Variants in ROBO2 observed in about 807,000 individuals in gnomAD.
ROBO2 encodes roundabout guidance receptor 2, also known as roundabout homolog 2.
ROBO2 carries 53 observed loss-of-function variants against 160.8 expected under a neutral mutation model. The observed-to-expected ratio is 0.33, with a 90% CI of 0.26 to 0.41. The LOEUF is 0.41. Ranked by LOEUF, ROBO2 falls within the 10% of genes least tolerant of loss-of-function variation. ROBO2 has a pLI of 1.00. For missense variants in ROBO2, 1,577 were observed against 1,722.4 expected (o/e 0.92, Z 1.49); for synonymous variants, 664 against 611.7 (o/e 1.09, Z -1.26).
chr3:76,316,449 G>C (rs549319844), intron 2 of ROBO2, among the ~76,000 whole-genome samples: 2 of 152,082 alleles, frequency 1.3e-5, no homozygotes, highest in Non-Finnish European at 2.9e-5. Flanking sequence ...AGAAAAATAT[G>C]GCTGTATTCT....
intron 2 of ROBO2, among the ~76,000 whole-genome samples, chr3:77,010,549 G>T (rs940544712): frequency 6.6e-6 from 1 of 151,990 alleles, no homozygotes; most frequent in Non-Finnish European, 1.5e-5. Context: ...CCAAATTATG[G>T]GCTCCTTCTC....
At chr3:76,279,973 G>A (rs34687010) in intron 2 of ROBO2, among the ~76,000 whole-genome samples, 49,048 of 151,592 alleles carry the variant, frequency 0.32, 8,532 homozygotes, top group Non-Finnish European at 0.4. Flanking sequence ...TACTGCTTTC[G>A]GTACTAAACT....
chr3:76,193,310 A>G (rs1317054373), intron 2 of ROBO2, among the ~76,000 whole-genome samples: 1 of 152,130 alleles, frequency 6.6e-6, no homozygotes, highest in Non-Finnish European at 1.5e-5. Flanking sequence ...TAGCTACTAG[A>G]TAACTTTACT....
At chr3:77,212,183 G>A (rs1456623564) in intron 2 of ROBO2, among the ~76,000 whole-genome samples, 4 of 152,084 alleles carry the variant, frequency 2.6e-5, no homozygotes, top group South Asian at 2.1e-4. Context: ...CCATTTTCAC[G>A]ACATTGATTC....
intron 2 of ROBO2, among the ~76,000 whole-genome samples, chr3:77,130,384 C>A (rs2075744234): frequency 6.6e-6 from 1 of 152,098 alleles, no homozygotes; most frequent in African/African-American, 2.4e-5. Flanking sequence ...TGCTTTTTGT[C>A]TAACTTCATT....
intron 2 of ROBO2, among the ~76,000 whole-genome samples, chr3:76,673,195 AGAT>A (rs147047070): frequency 1.3e-3 from 198 of 151,142 alleles, no homozygotes; most frequent in African/African-American, 4.5e-3. Context: ...ACCCTATACA[AGAT>A]GATTACAGTC....
intron 2 of ROBO2, among the ~76,000 whole-genome samples, chr3:77,019,234 A>G (rs1046737830): frequency 1.3e-5 from 2 of 151,832 alleles, no homozygotes; most frequent in Non-Finnish European, 2.9e-5. Context: ...ACAAACAGGC[A>G]GATTCAATGC....
At chr3:76,380,799 A>G (rs984825300) in intron 2 of ROBO2, among the ~76,000 whole-genome samples, 2 of 152,136 alleles carry the variant, frequency 1.3e-5, no homozygotes, top group Non-Finnish European at 2.9e-5. Flanking sequence ...TTCACAAACT[A>G]TCTCAATATA....
intron 2 of ROBO2, among the ~76,000 whole-genome samples, chr3:76,533,583 G>A (rs956365411): frequency 4.6e-5 from 7 of 152,178 alleles, no homozygotes; most frequent in African/African-American, 1.4e-4. Flanking sequence ...CTTGTCACAC[G>A]AGTCCGTATA....
intron 2 of ROBO2, among the ~76,000 whole-genome samples, chr3:76,974,851 T>C (rs2059735902): frequency 6.6e-6 from 1 of 152,098 alleles, no homozygotes; most frequent in Admixed American, 6.5e-5. Flanking sequence ...AATCATACCA[T>C]TCAAAAAAGC....
chr3:77,257,180 G>C (rs1202480771), intron 2 of ROBO2, among the ~76,000 whole-genome samples: 2 of 152,286 alleles, frequency 1.3e-5, no homozygotes, highest in African/African-American at 4.8e-5. Flanking sequence ...ACCAGCTTCT[G>C]TCTTATTATT....
intron 2 of ROBO2, among the ~76,000 whole-genome samples, chr3:76,807,474 T>C (rs1249822130): frequency 3.3e-5 from 5 of 152,132 alleles, no homozygotes; most frequent in African/African-American, 1.2e-4. Flanking sequence ...TGTTCATTGA[T>C]AAGAACACCT....
intron 2 of ROBO2, among the ~76,000 whole-genome samples, chr3:76,245,987 A>C (rs1399968741): frequency 1.3e-5 from 2 of 152,150 alleles, no homozygotes; most frequent in Non-Finnish European, 2.9e-5. Context: ...GAAGAAGCTG[A>C]ATTTTATGAA....
intron 2 of ROBO2, among the ~76,000 whole-genome samples, chr3:76,961,267 A>C (rs919031945): frequency 1.3e-5 from 2 of 151,548 alleles, no homozygotes; most frequent in African/African-American, 4.9e-5. Context: ...AAAAAAAAAA[A>C]ACACTAGTTT....
intron 2 of ROBO2, among the ~76,000 whole-genome samples, chr3:76,756,771 G>A (rs1028764247): frequency 6.6e-6 from 1 of 151,808 alleles, no homozygotes; most frequent in Non-Finnish European, 1.5e-5. Context: ...TTTTGATTAC[G>A]AGCAAATCTG....
At chr3:76,219,074 A>G (rs1489818531) in intron 2 of ROBO2, among the ~76,000 whole-genome samples, 1 of 152,232 alleles carries the variant, frequency 6.6e-6, no homozygotes, top group East Asian at 1.9e-4. Context: ...AGGATTCCCT[A>G]TTTAATAAAT....
chr3:76,982,090 C>T (rs1358832864), intron 2 of ROBO2, among the ~76,000 whole-genome samples: 1 of 152,078 alleles, frequency 6.6e-6, no homozygotes, highest in Non-Finnish European at 1.5e-5. Context: ...TTGGTGAAGT[C>T]CAATTTCTCT....
intron 2 of ROBO2, among the ~76,000 whole-genome samples, chr3:77,131,105 A>G (rs2075816463): frequency 6.6e-6 from 1 of 152,192 alleles, no homozygotes; most frequent in Non-Finnish European, 1.5e-5. Context: ...GTACAGATCC[A>G]GCATATTCTC....
At chr3:76,684,613 TTC>T in intron 2 of ROBO2, among the ~76,000 whole-genome samples, 1 of 152,238 alleles carries the variant, frequency 6.6e-6, no homozygotes. Flanking sequence ...TGCATAAAAA[TTC>T]TGTCATAAAA....
Sources: allele counts gnomAD v4.1 joint callset (sites outside exome capture counted in the v4.1 genomes callset), GRCh38; gene constraint gnomAD v4.1.1; transcripts MANE v1.5; gene names NCBI Gene and HGNC (gene_info 2026-07-23, HGNC 2026-07-21).